The following CHRNB1 variants were observed in gnomAD, a reference collection of about 807,000 sequenced individuals.
The protein encoded by CHRNB1 is cholinergic receptor nicotinic beta 1 subunit, also known as acetylcholine receptor subunit beta.
CHRNB1 carries 47 observed loss-of-function variants against 53.8 expected under a neutral mutation model. That is an observed-to-expected ratio of 0.87 (90% CI 0.69 to 1.11). The LOEUF is 1.11. CHRNB1 is among the 50% of genes most tolerant of loss of function. CHRNB1 has a pLI of 0.00. For synonymous variants in CHRNB1, 259 were observed against 263.5 expected (o/e 0.98, Z 0.16); for missense variants, 605 against 654.9 (o/e 0.92, Z 0.83).
chr17:7,449,552 C>T (rs558534302), intron 7 of CHRNB1, among the ~76,000 whole-genome samples: 2 of 151,910 alleles, frequency 1.3e-5, no homozygotes, highest in East Asian at 1.9e-4. Flanking sequence ...AGACCACAAG[C>T]ACCCACAATC....
intron 7 of CHRNB1, among the ~76,000 whole-genome samples, chr17:7,449,814 G>A (rs1908815725): frequency 6.6e-6 from 1 of 151,894 alleles, no homozygotes. Flanking sequence ...GGAGGCCGAG[G>A]TGGGTGGATC....
Position 7,456,820 on chromosome 17 carries a change from G to C in CHRNB1, c.*97G>C. On this transcript the variant is annotated 3_prime_UTR_variant, in exon 11 of 11. Coordinates refer to ENST00000306071, the MANE Select transcript of CHRNB1 (RefSeq NM_000747.3). ...CTTCTCTGCCTCTTAACTCCTTCACGAGGAATCTGGGCCTCTTATTTCGTT... is the reference window on the plus strand; with the variant it reads ...CTTCTCTGCCTCTTAACTCCTTCACCAGGAATCTGGGCCTCTTATTTCGTT... The C allele has an allele frequency of 3.3e-6, 5 of 1,519,502 alleles. No individual in the cohort carries two copies. Among genetic ancestry groups the C allele is most frequent in the Non-Finnish European group, 4.5e-6 (5 of 1,106,184 alleles). 94.1% of individuals were successfully genotyped at this position (1,519,502 alleles called of 1,614,324 possible).
At chr17:7,451,435 C>G (rs557462831) in intron 7 of CHRNB1, among the ~76,000 whole-genome samples, 1 of 152,058 alleles carries the variant, frequency 6.6e-6, no homozygotes, top group East Asian at 1.9e-4. Flanking sequence ...CATGAGCCAC[C>G]ATGCCTGAGT....
intron 7 of CHRNB1, among the ~76,000 whole-genome samples, chr17:7,450,183 G>T (rs1597752118): frequency 6.9e-6 from 1 of 144,886 alleles, no homozygotes; most frequent in Non-Finnish European, 1.5e-5. Context: ...TTGCCCCGTT[G>T]CCCAGGCTGG....
At chr17:7,452,244 G>A (rs1028260500) in intron 7 of CHRNB1, among the ~76,000 whole-genome samples, 21 of 151,956 alleles carry the variant, frequency 1.4e-4, no homozygotes, top group African/African-American at 3.9e-4. Flanking sequence ...TTTAAGTAGA[G>A]ATGGGGTTTC....
At chr17:7,447,302 T>C (rs989067191) in intron 5 of CHRNB1, 151 bp downstream of exon 5, 17 of 913,076 alleles carry the variant, frequency 1.9e-5, no homozygotes, top group African/African-American at 1.8e-4. Flanking sequence ...TGGTTTTCCA[T>C]TGAGTGTTCT....
chr17:7,447,432 C>T (rs1222251496), intron 5 of CHRNB1, 71 bp from the exon 6 acceptor site: 2 of 1,586,586 alleles, frequency 1.3e-6, no homozygotes, highest in Non-Finnish European at 1.7e-6. Context: ...GTGCCCTCCC[C>T]AAAGACCTCC....
Position 7,446,129 on chromosome 17 carries a change from G to A in CHRNB1, c.243+16G>A, listed in dbSNP as rs1434861499. ...CTTAGACCTGGTATGGAGACCCCACGGGGTGGGAAAGGGCTTCCCTCTGCC... is the reference window on the plus strand; with the variant it reads ...CTTAGACCTGGTATGGAGACCCCACAGGGTGGGAAAGGGCTTCCCTCTGCC... On this transcript the variant is annotated intron_variant, in intron 3 of 10. Coordinates refer to ENST00000306071, the MANE Select transcript of CHRNB1 (RefSeq NM_000747.3). The A allele has an allele frequency of 1.2e-6, 2 of 1,611,540 alleles. No homozygotes were observed. Among genetic ancestry groups the A allele is most frequent in the Admixed American group, 1.7e-5 (1 of 59,982 alleles).
rs1186961988 is a variant in CHRNB1 at position 7,445,361 on chromosome 17, C to T, written c.150C>T (p.Asp50=). ...TGCGGCCAGCGCGGGAGGTGGGAGA[C>T]CGTGTCAGGGTCAGCGTTGGTCTCA... ...SSVRPAREVG[D]RVRVSVGLIL... is the part of the protein sequence containing the mutation. Residue 50 remains aspartate, a synonymous_variant, in exon 2 of 11, where the codon GAC becomes GAT. Coordinates refer to ENST00000306071, the MANE Select transcript of CHRNB1 (RefSeq NM_000747.3). This position sits in a 1 kb window ranked among gnomAD's most constrained non-coding sequence, Gnocchi z 5.7. 6.2e-7 allele frequency: 1 copy of T among 1,612,938 alleles called. No homozygotes were observed. Among genetic ancestry groups the T allele is most frequent in the Non-Finnish European group, 8.5e-7 (1 of 1,179,808 alleles).
At chr17:7,448,888 T>C (rs951171226) in intron 7 of CHRNB1, 100 bp downstream of exon 7, 10 of 1,299,416 alleles carry the variant, frequency 7.7e-6, no homozygotes, top group Middle Eastern at 1.9e-4. Flanking sequence ...CAAAGCATCA[T>C]AGATTGGGCT....
intron 7 of CHRNB1, among the ~76,000 whole-genome samples, chr17:7,454,034 C>T (rs1908982212): frequency 6.6e-6 from 1 of 152,100 alleles, no homozygotes; most frequent in Admixed American, 6.6e-5. Flanking sequence ...GCACTCCAGC[C>T]TGGGTGACAG....
intron 7 of CHRNB1, among the ~76,000 whole-genome samples, chr17:7,452,056 TC>T (rs143630917): frequency 1.5e-5 from 2 of 132,520 alleles, no homozygotes; most frequent in Admixed American, 7.5e-5. Flanking sequence ...CTTTCCTTTT[TC>T]TTTTTTTTTT....
chr17:7,455,230 C>T (rs2069936616), intron 8 of CHRNB1, 54 bp from the exon 9 acceptor site: 2 of 1,608,848 alleles, frequency 1.2e-6, no homozygotes, highest in African/African-American at 1.3e-5. Flanking sequence ...GGCTGTTTCC[C>T]TTCTGGTCTG....
intron 4 of CHRNB1, 45 bp downstream of exon 4, chr17:7,446,987 G>A (rs1908663328): frequency 1.9e-6 from 3 of 1,606,136 alleles, no homozygotes; most frequent in Middle Eastern, 3.3e-4. Flanking sequence ...GGGCCTCGGG[G>A]GGCGGGGGGC....
At chr17:7,452,250 G>C (rs138915063) in intron 7 of CHRNB1, among the ~76,000 whole-genome samples, 208 of 151,920 alleles carry the variant, frequency 1.4e-3, no homozygotes, top group African/African-American at 4.7e-3. Context: ...TAGAGATGGG[G>C]TTTCGCTATG....
rs2069953970 is a variant in CHRNB1, at chr17:7,456,579, A to C, written c.1366-4A>C. 6.2e-7 allele frequency: 1 copy of C among 1,613,972 alleles called. No homozygotes were observed. On this transcript the variant is annotated splice_region_variant and splice_polypyrimidine_tract_variant and intron_variant, in intron 10 of 10. Coordinates refer to ENST00000306071, the MANE Select transcript of CHRNB1 (RefSeq NM_000747.3). Reference sequence around the variant, plus strand: ...CTCAGGAAGTTTCCTTTGCCTACCCACAGCTGAAGGAGGACTGGCAGTTTG... The same window carrying C: ...CTCAGGAAGTTTCCTTTGCCTACCCCCAGCTGAAGGAGGACTGGCAGTTTG...
At chr17:7,454,051 AC>A (rs2150842234) in intron 7 of CHRNB1, among the ~76,000 whole-genome samples, 1 of 152,042 alleles carries the variant, frequency 6.6e-6, no homozygotes, top group Non-Finnish European at 1.5e-5. Context: ...ACAGAGCAAG[AC>A]CCAGCCTCAA....
Position 7,456,999 on chromosome 17 carries a change from T to G in CHRNB1, c.*276T>G. The G allele has an allele frequency of 2.1e-6, 1 of 479,432 alleles. No individual in the cohort carries two copies. The highest frequency in any genetic ancestry group is 3.8e-6 in the Non-Finnish European group (1 of 261,636). The allele number at this position is 479,432 out of a possible 1,614,324, so 29.7% of individuals were successfully genotyped here. A position where few individuals can be genotyped will look rare whatever the true frequency, so the allele number is the denominator to read the frequency against. On this transcript the variant is annotated 3_prime_UTR_variant, in exon 11 of 11. Coordinates refer to ENST00000306071, the MANE Select transcript of CHRNB1 (RefSeq NM_000747.3). The stretch of plus-strand genomic sequence containing the variant: ...GTGAAATAGAACACAGAACAGGAAC[T>G]AGATTATAAGCCTTATGAGGTCAAG...
chr17:7,450,172 T>G (rs1597752108), intron 7 of CHRNB1, among the ~76,000 whole-genome samples: 1 of 150,984 alleles, frequency 6.6e-6, no homozygotes, highest in African/African-American at 2.4e-5. Flanking sequence ...GAGACAGAGT[T>G]TTGCCCCGTT....
Sources: gnomAD v4.1 joint callset for allele counts (sites outside exome capture counted in the v4.1 genomes callset) on GRCh38, gnomAD v4.1.1 for gene constraint, Gnocchi (gnomAD v3.1) non-coding constraint, MANE v1.5 for transcripts, NCBI Gene and HGNC (gene_info 2026-07-23, HGNC 2026-07-21) for gene names.